Variants in THOC2 observed in about 807,000 individuals in gnomAD.
THOC2 encodes THO complex subunit 2.
Under a neutral mutation model 128.4 loss-of-function variants are expected in THOC2, and 10 were observed. That is an observed-to-expected ratio of 0.08 (90% CI 0.05 to 0.13). THOC2 has a LOEUF of 0.13. Among genes scored for constraint, THOC2 ranks in the 10% least tolerant of loss-of-function variants. THOC2 has a pLI of 1.00. For synonymous variants in THOC2, 393 were observed against 396.9 expected (o/e 0.99, Z 0.12); for missense variants, 535 against 1,155.7 (o/e 0.46, Z 7.79).
intron 36 of THOC2, among the ~76,000 whole-genome samples, chrX:123,612,171 G>A (rs1476641272): frequency 1.8e-5 from 2 of 110,864 alleles, no homozygotes; most frequent in African/African-American, 6.6e-5. Context: ...TCCATTCTTG[G>A]GCATATATCC....
intron 38 of THOC2, among the ~76,000 whole-genome samples, chrX:123,604,266 T>C (rs951170484): frequency 8.9e-6 from 1 of 112,004 alleles, no homozygotes; most frequent in African/African-American, 3.2e-5. Flanking sequence ...ACCACATTTG[T>C]AGGACACATC....
At chrX:123,672,545 T>C (rs1187619897) in intron 8 of THOC2, among the ~76,000 whole-genome samples, 1 of 112,068 alleles carries the variant, frequency 8.9e-6, no homozygotes, top group Non-Finnish European at 1.9e-5. Flanking sequence ...GCTTTATATT[T>C]TTCTTCCTTT....
intron 12 of THOC2, among the ~76,000 whole-genome samples, chrX:123,660,061 G>A (rs1467131931): frequency 8.9e-6 from 1 of 111,974 alleles, no homozygotes. Flanking sequence ...ACCTAGTAAT[G>A]AGAAAACGCA....
At chrX:123,698,513 C>T (rs1033556550) in intron 4 of THOC2, among the ~76,000 whole-genome samples, 11 of 107,490 alleles carry the variant, frequency 1.0e-4, no homozygotes, top group Admixed American at 1.0e-4. Flanking sequence ...CCATGACTTT[C>T]GCCACCCTGG....
chrX:123,663,847 A>G (rs769031723), intron 12 of THOC2, among the ~76,000 whole-genome samples: 13 of 110,282 alleles, frequency 1.2e-4, no homozygotes, highest in African/African-American at 4.0e-4. Flanking sequence ...TTCAATTCCC[A>G]CCTATGAGTG....
chrX:123,627,285 T>C (rs2047304440), intron 23 of THOC2, among the ~76,000 whole-genome samples: 1 of 111,484 alleles, frequency 9.0e-6, no homozygotes, highest in Non-Finnish European at 1.9e-5. Flanking sequence ...TTCCTGTCTT[T>C]GCTGGAACCC....
chrX:123,633,925 G>T, intron 20 of THOC2, 28 bp downstream of exon 20: 1 of 959,496 alleles, frequency 1.0e-6, no homozygotes, highest in Non-Finnish European at 1.5e-6. Context: ...AATTTTAAAA[G>T]TTGATGAACA....
chrX:123,661,155 A>G (rs1366636320), intron 12 of THOC2, among the ~76,000 whole-genome samples: 1 of 112,511 alleles, frequency 8.9e-6, no homozygotes, highest in Non-Finnish European at 1.9e-5. Context: ...CTGTAATTCC[A>G]GCATTTTGGG....
chrX:123,631,782 C>A lies in THOC2; in HGVS notation c.2387G>T (p.Arg796Leu), dbSNP rs1224533506. ...ACAGAGTACATCAATTGAAGGCACT[C>A]GCTTTATATAATCTTCTGTGCTCAG... is the stretch of plus-strand genomic sequence containing the variant. ...SNLSTEDYIK[R>L]VPSIDVLCNE... The change falls in exon 22 of 39, where the codon CGA becomes CTA. Residue 796 changes from arginine (R) to leucine (L), a missense_variant. Transcript: ENST00000245838. 8.3e-7 allele frequency: 1 copy of A among 1,208,809 alleles called. No homozygotes were observed. The highest frequency in any genetic ancestry group is 1.1e-6 in the Non-Finnish European group (1 of 893,293).
At chrX:123,617,680 C>T (rs1469683341) in intron 33 of THOC2, among the ~76,000 whole-genome samples, 1 of 111,706 alleles carries the variant, frequency 9.0e-6, no homozygotes, top group East Asian at 2.8e-4. Flanking sequence ...TACATATATT[C>T]AAAAGGCCTT....
intron 7 of THOC2, among the ~76,000 whole-genome samples, chrX:123,687,112 T>G (rs1261937848): frequency 3.6e-5 from 4 of 110,284 alleles, no homozygotes; most frequent in African/African-American, 9.9e-5. Flanking sequence ...ACAAAAGGGG[T>G]TTTTTTTTAA....
At chrX:123,627,350 C>A (rs901257988) in intron 23 of THOC2, among the ~76,000 whole-genome samples, 1 of 111,557 alleles carries the variant, frequency 9.0e-6, no homozygotes, top group East Asian at 2.8e-4. Flanking sequence ...ACCTTCAAGG[C>A]CTGTCCATTT....
At chrX:123,625,837 CAAT>C in intron 25 of THOC2, 72 bp downstream of exon 25, 1 of 1,052,383 alleles carries the variant, frequency 9.5e-7, no homozygotes, top group South Asian at 2.0e-5. Flanking sequence ...ACTAAACACA[CAAT>C]AATACCTCTA....
At chrX:123,722,476 C>A (rs1377096789) in intron 1 of THOC2, among the ~76,000 whole-genome samples, 1 of 110,884 alleles carries the variant, frequency 9.0e-6, no homozygotes, top group Non-Finnish European at 1.9e-5. Flanking sequence ...AACAAAAAAA[C>A]CAAACACCAC....
chrX:123,701,526 G>A (rs765935359), intron 4 of THOC2, among the ~76,000 whole-genome samples: 1 of 110,474 alleles, frequency 9.1e-6, no homozygotes, highest in Admixed American at 9.7e-5. Flanking sequence ...AAATTACTAG[G>A]GCCAATAAGC....
At position 123,625,977 on chromosome X, in the gene THOC2, G is replaced by A; in HGVS notation, c.2992C>T (p.Arg998Cys). ...TGTTGATGTACCAATTCAACAAAAC[G>A]AGCACAGTAAACAGCATCAATTGCT... ...FSAIDAVYCA[R>C]FVELVHQQKT... is the part of the protein sequence containing the mutation. The change falls in exon 25 of 39, where the codon CGT (arginine) becomes TGT (cysteine). Residue 998 changes from arginine to cysteine, a missense_variant. By Grantham distance (180) the Arg-to-Cys change is radical (BLOSUM62 -3). Transcript: ENST00000245838. The A allele has an allele frequency of 8.3e-7, 1 of 1,207,881 alleles. No individual in the cohort carries two copies. Among genetic ancestry groups the A allele is most frequent in the Non-Finnish European group, 1.1e-6 (1 of 892,489 alleles).
chrX:123,732,563 C>G (rs901077152), intron 1 of THOC2, among the ~76,000 whole-genome samples: 1 of 111,963 alleles, frequency 8.9e-6, no homozygotes, highest in Non-Finnish European at 1.9e-5. Context: ...AGAAATGGCA[C>G]AGAGAGAGAT....
At chrX:123,703,890 T>TAAAAAAAAACAA (rs2050811396) in intron 3 of THOC2, among the ~76,000 whole-genome samples, 1 of 37,029 alleles carries the variant, frequency 2.7e-5, no homozygotes, top group Non-Finnish European at 4.1e-5. Context: ...ACTCTGTCTT[T>TAAAAAAAAACAA]AAAAAAAAAA....
At chrX:123,718,614 C>T (rs2051534191) in intron 1 of THOC2, among the ~76,000 whole-genome samples, 1 of 111,106 alleles carries the variant, frequency 9.0e-6, no homozygotes, top group Non-Finnish European at 1.9e-5. Flanking sequence ...CAAAAATTAT[C>T]CGGGCATGGT....
Sources: allele counts gnomAD v4.1 joint callset (sites outside exome capture counted in the v4.1 genomes callset), GRCh38; gene constraint gnomAD v4.1.1; transcripts MANE v1.5; gene names NCBI Gene and HGNC (gene_info 2026-07-23, HGNC 2026-07-21).